RFX8: variants seen among roughly 807,000 people sequenced by gnomAD.
The protein encoded by RFX8 is DNA-binding protein RFX8.
RFX8 carries 46 observed loss-of-function variants against 54.6 expected under a neutral mutation model. That is an observed-to-expected ratio of 0.84 (90% CI 0.67 to 1.08). The LOEUF (loss-of-function observed/expected upper bound fraction) is 1.08, where lower values mean the gene tolerates loss of function less well. Ranked by LOEUF, RFX8 falls within the 50% of genes least tolerant of loss-of-function variation. The pLI is 0.00. For synonymous variants in RFX8, 192 were observed against 209.5 expected, an observed-to-expected ratio of 0.92 and a Z score of 0.72; for missense variants, 536 against 562.3, an observed-to-expected ratio of 0.95 and a Z score of 0.47.
At chr2:101,470,665 G>A (rs956133868) in intron 1 of RFX8, among the ~76,000 whole-genome samples, 4 of 148,466 alleles carry the variant, frequency 2.7e-5, no homozygotes, top group Non-Finnish European at 4.5e-5. Flanking sequence ...ACTGACCTCA[G>A]AGCACAAATA....
intron 1 of RFX8, among the ~76,000 whole-genome samples, chr2:101,473,482 G>C (rs369873308): frequency 6.6e-6 from 1 of 152,104 alleles, no homozygotes; most frequent in Non-Finnish European, 1.5e-5. Context: ...GTTTAGGCCT[G>C]CCAGGGTTAT....
At chr2:101,428,379 T>A (rs1168752916) in intron 2 of RFX8, among the ~76,000 whole-genome samples, 1 of 152,200 alleles carries the variant, frequency 6.6e-6, no homozygotes, top group Non-Finnish European at 1.5e-5. Context: ...TTCCACCACG[T>A]GAGACACGAT....
intron 4 of RFX8, 69 bp downstream of exon 4, chr2:101,421,655 T>G: frequency 4.6e-6 from 7 of 1,506,726 alleles, no homozygotes; most frequent in Non-Finnish European, 6.2e-6. Context: ...TAAAAATGAT[T>G]AATAAGGAGT....
chr2:101,441,898 T>C (rs142090021), intron 2 of RFX8, among the ~76,000 whole-genome samples: 89 of 152,364 alleles, frequency 5.8e-4, no homozygotes, highest in African/African-American at 2.0e-3. Flanking sequence ...AATTTACATT[T>C]AAGGGAATTC....
intron 2 of RFX8, among the ~76,000 whole-genome samples, chr2:101,440,944 C>T (rs1326093261): frequency 6.7e-6 from 1 of 150,212 alleles, no homozygotes; most frequent in Non-Finnish European, 1.5e-5. Context: ...GAATATTTGT[C>T]CCCTCTGAAA....
At chr2:101,423,906 T>A (rs1000407630) in intron 2 of RFX8, among the ~76,000 whole-genome samples, 2 of 152,180 alleles carry the variant, frequency 1.3e-5, no homozygotes, top group African/African-American at 2.4e-5. Context: ...AGAGAGCATG[T>A]TTAACTGTCC....
At chr2:101,472,252 C>T (rs1003677322) in intron 1 of RFX8, among the ~76,000 whole-genome samples, 1 of 152,178 alleles carries the variant, frequency 6.6e-6, no homozygotes, top group African/African-American at 2.4e-5. Context: ...CAGGCGCCCG[C>T]CACCACACCC....
intron 1 of RFX8, among the ~76,000 whole-genome samples, chr2:101,471,704 C>T (rs562608988): frequency 5.9e-5 from 9 of 152,314 alleles, no homozygotes; most frequent in Non-Finnish European, 8.8e-5. Context: ...TGCAGTCTTT[C>T]CTGTCCATGA....
At position 101,418,969 on chromosome 2, in the gene RFX8, G is replaced by A. The variant is rs1162062487; in HGVS notation, c.238-5C>T. The A allele has an allele frequency of 3.3e-6, 5 of 1,509,056 alleles. No homozygotes were observed. Among genetic ancestry groups the A allele is most frequent in the Middle Eastern group, 1.8e-4 (1 of 5,588 alleles). 93.5% of individuals were successfully genotyped at this position (1,509,056 alleles called of 1,614,324 possible). On this transcript the variant is annotated splice_region_variant and splice_polypyrimidine_tract_variant and intron_variant, in intron 4 of 11. Transcript: ENST00000428343. ...GGAAGTAAGCAAGTCCTCCACCTGG[G>A]GTAAGTAACAGAGCATATCGCCAAA...
chr2:101,463,718 G>A (rs1374114220), intron 2 of RFX8, among the ~76,000 whole-genome samples: 1 of 152,084 alleles, frequency 6.6e-6, no homozygotes, highest in Non-Finnish European at 1.5e-5. Context: ...CCCAGAGCCT[G>A]CAGCCATGAA....
intron 2 of RFX8, chr2:101,450,561 C>A (rs1308072508): frequency 8.9e-7 from 1 of 1,128,262 alleles, no homozygotes; most frequent in Non-Finnish European, 1.3e-6. Context: ...GCTTGTGACC[C>A]AAGACCAAAG....
chr2:101,405,960 C>A lies in RFX8; in HGVS notation c.911G>T (p.Cys304Phe). 6.5e-7 allele frequency: 1 copy of A among 1,535,384 alleles called. No individual in the cohort carries two copies. Among genetic ancestry groups the A allele is most frequent in the Non-Finnish European group, 8.8e-7 (1 of 1,139,506 alleles). ...LTAVSKAMTL[C>F]HRDSFGSWHL... ...TGACTTACCAAAACTATCTCTGTGG[C>A]AGAGGGTCATGGCTTTGCTTACAGC... The change falls in exon 10 of 12, where the codon TGC (cysteine) becomes TTC (phenylalanine). Residue 304 changes from cysteine (C) to phenylalanine (F), a missense_variant. Coordinates refer to ENST00000428343, the MANE Select transcript of RFX8 (RefSeq NM_001145664.2).
chr2:101,412,918 T>C lies in RFX8; in HGVS notation c.715A>G (p.Lys239Glu), dbSNP rs1220714361. The change falls in exon 8 of 12, where the codon AAA becomes GAA. Residue 239 changes from lysine (K) to glutamate (E), a missense_variant. Physicochemically the swap from Lys to Glu is moderately conservative, Grantham distance 56. Transcript: ENST00000428343. ...ADELENNPEM[K>E]CLRNLISLLG... Reference sequence around the variant, plus strand: ...CAAGCTGCAGAAGGAAGATTACATTTCATCTCTGGGTTGTTCTCCAGTTCA... The same window carrying C: ...CAAGCTGCAGAAGGAAGATTACATTCCATCTCTGGGTTGTTCTCCAGTTCA... 1 of 1,548,002 alleles carries C rather than the reference T, an allele frequency of 6.5e-7. No individual in the cohort carries two copies. The highest frequency in any genetic ancestry group is 8.7e-7 in the Non-Finnish European group (1 of 1,145,480).
At chr2:101,426,119 C>T (rs932755167) in intron 2 of RFX8, among the ~76,000 whole-genome samples, 1 of 152,272 alleles carries the variant, frequency 6.6e-6, no homozygotes, top group African/African-American at 2.4e-5. Flanking sequence ...GATCTTTACA[C>T]AGTATAGAAA....
At chr2:101,454,035 C>T (rs1688835672) in intron 2 of RFX8, among the ~76,000 whole-genome samples, 1 of 152,128 alleles carries the variant, frequency 6.6e-6, no homozygotes, top group South Asian at 2.1e-4. Context: ...TCTCCTAATG[C>T]TATCACTGCC....
At chr2:101,460,547 T>C (rs1689210220) in intron 2 of RFX8, among the ~76,000 whole-genome samples, 1 of 152,166 alleles carries the variant, frequency 6.6e-6, no homozygotes, top group Admixed American at 6.5e-5. Flanking sequence ...TCAGCGAGGT[T>C]CATGACAAGC....
rs555690486 is a variant in RFX8, at chr2:101,450,526, C to A, written c.72+16251G>T. On this transcript the variant is annotated intron_variant, in intron 2 of 11. Coordinates refer to ENST00000428343, the MANE Select transcript of RFX8 (RefSeq NM_001145664.2). ...TACAGGCGTGAGCCACCACACTTGG[C>A]CTGAATGGTTCTAACATTCACCAGG... 1.2e-5 allele frequency: 9 copies of A among 771,072 alleles called. No individual in the cohort carries two copies. The East Asian group carries it at 1.6e-4, about 14-fold the overall frequency. 47.8% of individuals were successfully genotyped at this position (771,072 alleles called of 1,614,324 possible). A position where few individuals can be genotyped will look rare whatever the true frequency, so the allele number is the denominator to read the frequency against.
intron 9 of RFX8, 86 bp from the exon 10 acceptor site, chr2:101,406,143 G>C: frequency 1.4e-6 from 1 of 708,724 alleles, no homozygotes; most frequent in Non-Finnish European, 2.3e-6. Context: ...CATTTGTCAT[G>C]CACACGCATT....
At chr2:101,434,385 A>G (rs1276214968) in intron 2 of RFX8, among the ~76,000 whole-genome samples, 1 of 152,220 alleles carries the variant, frequency 6.6e-6, no homozygotes, top group Non-Finnish European at 1.5e-5. Context: ...ACTTAACTGT[A>G]TCCTGACCCA....
Sources: gnomAD v4.1 joint callset for allele counts (sites outside exome capture counted in the v4.1 genomes callset) on GRCh38, gnomAD v4.1.1 for gene constraint, MANE v1.5 for transcripts, NCBI Gene and HGNC (gene_info 2026-07-23, HGNC 2026-07-21) for gene names.